The following ENOX1 variants were observed in gnomAD, a reference collection of about 807,000 sequenced individuals.
The protein encoded by ENOX1 is ecto-NOX disulfide-thiol exchanger 1.
A neutral mutation model predicts 82.5 loss-of-function variants in ENOX1; 42 were observed. The observed-to-expected ratio is 0.51, with a 90% CI of 0.40 to 0.66. The LOEUF (loss-of-function observed/expected upper bound fraction) is 0.66, where lower values mean the gene tolerates loss of function less well. ENOX1 is among the 30% of genes least tolerant of loss of function. ENOX1 has a pLI of 0.00. For synonymous variants in ENOX1, 271 were observed against 282.2 expected (o/e 0.96, Z 0.40); for missense variants, 608 against 811.6 (o/e 0.75, Z 3.05).
rs555120381 is a variant in ENOX1 at position 43,670,631 on chromosome 13, A to T, written c.-284-3087T>A. 2.7e-3 allele frequency among the ~76,000 whole-genome samples: 408 copies of T among 152,228 alleles called. 3 individuals carry two copies. The highest frequency in any genetic ancestry group is 0.017 in the Middle Eastern group (5 of 290). ...CACTTTGGGAGGCTGAGGCAGGTGGATCACTTGAGGTCAGGAGTTCGAGAC... is the reference window on the plus strand; with the variant it reads ...CACTTTGGGAGGCTGAGGCAGGTGGTTCACTTGAGGTCAGGAGTTCGAGAC... On this transcript the variant is annotated intron_variant, in intron 1 of 16. Transcript: ENST00000690772.
chr13:43,616,182 C>CTA lies in ENOX1; in HGVS notation c.-219+51295_-219+51296dup, dbSNP rs1331645710. Among the ~76,000 whole-genome samples the CTA allele has an allele frequency of 1.1e-3, 7 of 6,262 alleles. 3 individuals carry two copies. The East Asian group carries it at 0.083, about 75-fold the overall frequency. 4.1% of individuals were successfully genotyped at this position (6,262 alleles called of 152,430 possible). ...GATATCTATCTATCTATCTATCTATCTATCTATATATATATATATATATTT... is the reference window on the plus strand; with the variant it reads ...GATATCTATCTATCTATCTATCTATCTATATCTATATATATATATATATATTT... On this transcript the variant is annotated intron_variant, in intron 2 of 16. Transcript: ENST00000690772.
intron 14 of ENOX1, among the ~76,000 whole-genome samples, chr13:43,239,740 C>G (rs545630076): frequency 1.2e-4 from 18 of 152,152 alleles, no homozygotes; most frequent in Non-Finnish European, 2.2e-4. Context: ...CCAAAGAGAA[C>G]AGTTAAAGTT....
At chr13:43,518,725 T>C (rs987586892) in intron 2 of ENOX1, among the ~76,000 whole-genome samples, 4 of 152,274 alleles carry the variant, frequency 2.6e-5, no homozygotes, top group Non-Finnish European at 4.4e-5. Context: ...GATATGTTGA[T>C]AATTGAAATG....
chr13:43,569,367 A>G (rs867798048), intron 2 of ENOX1, among the ~76,000 whole-genome samples: 1 of 152,228 alleles, frequency 6.6e-6, no homozygotes, highest in African/African-American at 2.4e-5. Flanking sequence ...GTAGGTAAGT[A>G]GAGATAGATA....
At chr13:43,711,696 C>T (rs376405162) in intron 1 of ENOX1, among the ~76,000 whole-genome samples, 1 of 151,964 alleles carries the variant, frequency 6.6e-6, no homozygotes, top group African/African-American at 2.4e-5. Flanking sequence ...TTTTCATGTG[C>T]TTTTTGGCTG....
At position 43,507,454 on chromosome 13, in the gene ENOX1, A is replaced by C. The variant is rs560013940; in HGVS notation, c.-218-23302T>G. ...GTAACTTACAAAGGGGCAGGAATCG[A>C]ATTTCTTGTCAGCAATACTGGATAC... On this transcript the variant is annotated intron_variant, in intron 2 of 16. Coordinates refer to ENST00000690772, the MANE Select transcript of ENOX1 (RefSeq NM_001347969.2). Among the ~76,000 whole-genome samples the C allele has an allele frequency of 9.9e-5, 15 of 152,150 alleles. No individual in the cohort carries two copies. The South Asian group carries it at 1.5e-3, about 15-fold the overall frequency.
chr13:43,500,820 G>A (rs1293310653), intron 2 of ENOX1, among the ~76,000 whole-genome samples: 4 of 151,778 alleles, frequency 2.6e-5, no homozygotes, highest in African/African-American at 9.7e-5. Context: ...ATCAATAACT[G>A]TGTAATAAAC....
At chr13:43,539,737 C>G (rs1184431571) in intron 2 of ENOX1, among the ~76,000 whole-genome samples, 1 of 152,070 alleles carries the variant, frequency 6.6e-6, no homozygotes, top group Non-Finnish European at 1.5e-5. Flanking sequence ...TTTGTGTGTA[C>G]TCTCAATTCC....
At chr13:43,716,498 T>C (rs2088143791) in intron 1 of ENOX1, among the ~76,000 whole-genome samples, 1 of 152,050 alleles carries the variant, frequency 6.6e-6, no homozygotes, top group Admixed American at 6.5e-5. Context: ...GAAATTAACT[T>C]GAAAGTAAGA....
chr13:43,713,669 C>A lies in ENOX1; in HGVS notation c.-284-46125G>T, dbSNP rs568286754. ...GGGTGTATTTGTCGAGTAATTTATC[C>A]ATTTCTTCTAGATTTTCTAGTTTAT... On this transcript the variant is annotated intron_variant, in intron 1 of 16. Transcript: ENST00000690772. Among the ~76,000 whole-genome samples the A allele has an allele frequency of 4.6e-5, 7 of 152,244 alleles. No individual in the cohort carries two copies. The East Asian group carries it at 1.3e-3, about 29-fold the overall frequency.
intron 2 of ENOX1, among the ~76,000 whole-genome samples, chr13:43,622,320 C>T (rs2082770719): frequency 6.6e-6 from 1 of 152,142 alleles, no homozygotes; most frequent in South Asian, 2.1e-4. Context: ...GTCGAAGAGC[C>T]TTGTTTTGTC....
intron 12 of ENOX1, among the ~76,000 whole-genome samples, chr13:43,275,573 AACACACACACAC>A (rs71202257): frequency 6.0e-5 from 9 of 148,988 alleles, no homozygotes; most frequent in Admixed American, 1.3e-4. Flanking sequence ...GACTGACACC[AACACACACACAC>A]ACACACACAC....
chr13:43,622,622 A>G (rs2082786359), intron 2 of ENOX1, among the ~76,000 whole-genome samples: 1 of 152,156 alleles, frequency 6.6e-6, no homozygotes, highest in African/African-American at 2.4e-5. Flanking sequence ...CTCAGCTGGG[A>G]TACCAGTGCC....
intron 14 of ENOX1, among the ~76,000 whole-genome samples, chr13:43,242,737 A>G (rs2042897038): frequency 6.6e-6 from 1 of 152,364 alleles, no homozygotes; most frequent in African/African-American, 2.4e-5. Context: ...TTAGCTTTAT[A>G]GAGGTGACAT....
chr13:43,565,125 A>C (rs2079861539), intron 2 of ENOX1, among the ~76,000 whole-genome samples: 1 of 152,180 alleles, frequency 6.6e-6, no homozygotes, highest in Non-Finnish European at 1.5e-5. Context: ...AAATCAAAGC[A>C]GGTGCTGTCA....
At chr13:43,543,913 C>CTTTTTTTTTTTTTTTTTTTTT (rs11324994) in intron 2 of ENOX1, 8 of 97,420 alleles carry the variant, frequency 8.2e-5, no homozygotes, top group Admixed American at 1.3e-4. Context: ...TTTTCTTTTT[C>CTTTTTTTTTTTTTTTTTTTTT]TTTTTTTTTT....
At chr13:43,650,810 C>T (rs751120967) in intron 2 of ENOX1, among the ~76,000 whole-genome samples, 5 of 152,202 alleles carry the variant, frequency 3.3e-5, no homozygotes, top group Non-Finnish European at 7.3e-5. Flanking sequence ...TGTACTCCAG[C>T]CTGGGCGACA....
At chr13:43,748,478 A>G (rs1462014481) in intron 1 of ENOX1, among the ~76,000 whole-genome samples, 1 of 152,214 alleles carries the variant, frequency 6.6e-6, no homozygotes, top group Non-Finnish European at 1.5e-5. Flanking sequence ...AGAGCAGCCT[A>G]TGTATGAAAC....
intron 12 of ENOX1, among the ~76,000 whole-genome samples, chr13:43,285,753 T>G (rs900759671): frequency 5.4e-4 from 76 of 139,498 alleles, no homozygotes; most frequent in African/African-American, 1.8e-3. Flanking sequence ...GAGGCTGCAC[T>G]GAGCCGAGAT....
Sources: allele counts gnomAD v4.1 joint callset (sites outside exome capture counted in the v4.1 genomes callset), GRCh38; gene constraint gnomAD v4.1.1; transcripts MANE v1.5; gene names NCBI Gene and HGNC (gene_info 2026-07-23, HGNC 2026-07-21).